FOXP1: variants seen among roughly 807,000 people sequenced by gnomAD.
FOXP1 encodes forkhead box P1, also known as forkhead box protein P1.
Under a neutral mutation model 98.2 loss-of-function variants are expected in FOXP1, and 15 were observed. The observed-to-expected ratio is 0.15, with a 90% CI of 0.10 to 0.24. FOXP1 has a LOEUF of 0.24. FOXP1 is among the 10% of genes least tolerant of loss of function. The probability of loss-of-function intolerance (pLI) is 1.00; values close to 1 mark genes in which losing one functional copy is unlikely to be tolerated. For synonymous variants in FOXP1, 371 were observed against 314.5 expected (o/e 1.18, Z -1.90); for missense variants, 633 against 848.5 (o/e 0.75, Z 3.15).
chr3:71,222,320 A>G lies in FOXP1; in HGVS notation c.-11-23928T>C, dbSNP rs534850398. Among the ~76,000 whole-genome samples the G allele has an allele frequency of 8.5e-5, 13 of 152,328 alleles. No individual in the cohort carries two copies. In the South Asian group the frequency reaches 1.5e-3, roughly 17 times the overall value. ...CCAGAGGGTGTCTGTCACACCTGAC[A>G]TGGAGGCCACTTTGAAAATTCTTCC... On this transcript the variant is annotated intron_variant, in intron 5 of 20. Coordinates refer to ENST00000649528, the MANE Select transcript of FOXP1 (RefSeq NM_001349338.3).
intron 10 of FOXP1, among the ~76,000 whole-genome samples, chr3:71,042,286 C>G (rs1292285966): frequency 6.6e-6 from 1 of 152,068 alleles, no homozygotes; most frequent in Non-Finnish European, 1.5e-5. Context: ...ATGAAGTTCT[C>G]TTGTTTTTTT....
chr3:71,009,572 A>G (rs1327119336), intron 12 of FOXP1, among the ~76,000 whole-genome samples: 1 of 152,166 alleles, frequency 6.6e-6, no homozygotes, highest in South Asian at 2.1e-4. Context: ...GGATATATCA[A>G]TGCTTTGCAT....
At chr3:71,197,918 G>A in intron 6 of FOXP1, 1 of 1,614,184 alleles carries the variant, frequency 6.2e-7, no homozygotes, top group Non-Finnish European at 8.5e-7. Flanking sequence ...AATGGGGAAG[G>A]GTTAGGCTGA....
chr3:71,364,642 C>T (rs1323697033), intron 3 of FOXP1, among the ~76,000 whole-genome samples: 1 of 152,138 alleles, frequency 6.6e-6, no homozygotes, highest in Admixed American at 6.5e-5. Context: ...CTATCACATC[C>T]TTCAAATTTA....
At chr3:71,381,671 T>C (rs958125401) in intron 3 of FOXP1, among the ~76,000 whole-genome samples, 1 of 152,060 alleles carries the variant, frequency 6.6e-6, no homozygotes, top group African/African-American at 2.4e-5. Flanking sequence ...CTCAAACTCC[T>C]GGGCTCAAGC....
chr3:71,582,136 G>C (rs1199630544), intron 1 of FOXP1: 3 of 984,772 alleles, frequency 3.0e-6, no homozygotes, highest in Non-Finnish European at 3.6e-6. Flanking sequence ...ATGCGACTTT[G>C]TTTCCGGGAG....
At chr3:71,480,557 T>A (rs1241658529) in intron 3 of FOXP1, among the ~76,000 whole-genome samples, 3 of 152,220 alleles carry the variant, frequency 2.0e-5, no homozygotes, top group Non-Finnish European at 4.4e-5. Flanking sequence ...TATCTAAATG[T>A]GGACACATCA....
chr3:71,542,217 G>T (rs532819974), intron 2 of FOXP1: 2 of 368,622 alleles, frequency 5.4e-6, no homozygotes, highest in East Asian at 7.8e-5. Context: ...TACAATACCT[G>T]CAGGAATATT....
chr3:71,220,734 C>T (rs1426193986), intron 5 of FOXP1, among the ~76,000 whole-genome samples: 1 of 148,634 alleles, frequency 6.7e-6, no homozygotes, highest in Non-Finnish European at 1.5e-5. Flanking sequence ...ACCTGGGTGA[C>T]TGAGTGAGAC....
At chr3:71,273,492 T>C (rs2070590015) in intron 5 of FOXP1, among the ~76,000 whole-genome samples, 1 of 152,230 alleles carries the variant, frequency 6.6e-6, no homozygotes, top group African/African-American at 2.4e-5. Context: ...ACTCCAGTGT[T>C]GTGTTTTCTA....
intron 1 of FOXP1, chr3:71,582,405 A>G (rs1442383086): frequency 2.0e-6 from 2 of 983,800 alleles, no homozygotes; most frequent in Non-Finnish European, 1.2e-6. Flanking sequence ...CCCCACTCGA[A>G]GCGCACGCCG....
At chr3:71,259,290 C>A (rs2068898422) in intron 5 of FOXP1, among the ~76,000 whole-genome samples, 1 of 152,238 alleles carries the variant, frequency 6.6e-6, no homozygotes, top group Non-Finnish European at 1.5e-5. Flanking sequence ...GCAGAGCTCA[C>A]TTCACCTCTC....
intron 6 of FOXP1, among the ~76,000 whole-genome samples, chr3:71,144,503 A>G (rs2060212772): frequency 6.6e-6 from 1 of 152,208 alleles, no homozygotes; most frequent in Non-Finnish European, 1.5e-5. Context: ...CTCATTCGGC[A>G]GGTAAGATGG....
At chr3:71,218,040 T>A (rs1470740072) in intron 5 of FOXP1, among the ~76,000 whole-genome samples, 1 of 152,174 alleles carries the variant, frequency 6.6e-6, no homozygotes, top group Non-Finnish European at 1.5e-5. Context: ...ACCTCTTTGC[T>A]GAAACTGTCC....
intron 7 of FOXP1, among the ~76,000 whole-genome samples, chr3:71,109,016 TAAA>T (rs940103097): frequency 1.3e-5 from 2 of 152,210 alleles, no homozygotes; most frequent in African/African-American, 2.4e-5. Context: ...GTATCATTCA[TAAA>T]AAAATTTGCG....
intron 3 of FOXP1, among the ~76,000 whole-genome samples, chr3:71,468,996 C>G (rs1348876239): frequency 6.6e-6 from 1 of 152,138 alleles, no homozygotes; most frequent in Non-Finnish European, 1.5e-5. Flanking sequence ...TCGAATACTT[C>G]CAACTCAGAG....
intron 6 of FOXP1, among the ~76,000 whole-genome samples, chr3:71,176,743 CAAAAAAAAAAAAAAA>C (rs573639526): frequency 0.44 from 34,006 of 78,080 alleles, 4,892 homozygotes; most frequent in Admixed American, 0.55. Flanking sequence ...GAGGCTATCT[CAAAAAAAAAAAAAAA>C]AAAAAAAAAA....
chr3:71,559,878 T>A (rs766871961), intron 2 of FOXP1, among the ~76,000 whole-genome samples: 3 of 152,016 alleles, frequency 2.0e-5, no homozygotes, highest in Non-Finnish European at 2.9e-5. Flanking sequence ...GGGGACCTAC[T>A]AGGCCAATGA....
At chr3:71,454,846 C>T (rs986677129) in intron 3 of FOXP1, among the ~76,000 whole-genome samples, 1 of 152,028 alleles carries the variant, frequency 6.6e-6, no homozygotes, top group African/African-American at 2.4e-5. Context: ...TCTCTCAGAC[C>T]CACTGAATTA....
Sources: gnomAD v4.1 joint callset for allele counts (sites outside exome capture counted in the v4.1 genomes callset) on GRCh38, gnomAD v4.1.1 for gene constraint, MANE v1.5 for transcripts, NCBI Gene and HGNC (gene_info 2026-07-23, HGNC 2026-07-21) for gene names.